Variants in SRP54 observed in about 807,000 individuals in gnomAD.
The protein encoded by SRP54 is signal recognition particle 54, also known as signal recognition particle subunit SRP54.
SRP54 carries 10 observed loss-of-function variants against 64.8 expected under a neutral mutation model. That is an observed-to-expected ratio of 0.15 (90% CI 0.10 to 0.26). SRP54 has a LOEUF of 0.26. SRP54 is among the 10% of genes least tolerant of loss of function. The pLI is 1.00. For synonymous variants in SRP54, 193 were observed against 185.6 expected, an observed-to-expected ratio of 1.04 and a Z score of -0.32; for missense variants, 325 against 613.7, an observed-to-expected ratio of 0.53 and a Z score of 4.97.
At chr14:34,987,951 C>T (rs753889894) in intron 1 of SRP54, among the ~76,000 whole-genome samples, 7 of 152,066 alleles carry the variant, frequency 4.6e-5, no homozygotes, top group African/African-American at 4.8e-5. Context: ...TTTTTGCTCC[C>T]CTCTTTACTC....
chr14:35,008,045 C>T (rs868201229), intron 5 of SRP54, among the ~76,000 whole-genome samples: 5 of 151,928 alleles, frequency 3.3e-5, no homozygotes, highest in Non-Finnish European at 7.4e-5. Context: ...TTACTTTATC[C>T]TCTATGGCTC....
intron 1 of SRP54, among the ~76,000 whole-genome samples, chr14:34,988,594 T>TATATATCATATATATATATATATATATAA (rs1420297304): frequency 8.4e-6 from 1 of 119,364 alleles, no homozygotes; most frequent in Admixed American, 9.2e-5. Context: ...TATATATATA[T>TATATATCATATATATATATATATATATAA]AACATATATA....
At chr14:35,028,564 T>A (rs1163850989) in intron 15 of SRP54, among the ~76,000 whole-genome samples, 1 of 152,154 alleles carries the variant, frequency 6.6e-6, no homozygotes, top group African/African-American at 2.4e-5. Flanking sequence ...TCCCCTTCGG[T>A]AAAATCACAG....
At chr14:35,017,536 C>T (rs1009598076) in intron 11 of SRP54, among the ~76,000 whole-genome samples, 3 of 152,176 alleles carry the variant, frequency 2.0e-5, no homozygotes. Context: ...TAGTTGACTG[C>T]TATAACATTT....
At chr14:34,986,274 A>G (rs925028039) in intron 1 of SRP54, among the ~76,000 whole-genome samples, 4 of 152,224 alleles carry the variant, frequency 2.6e-5, no homozygotes, top group African/African-American at 9.6e-5. Context: ...AATTGAATAT[A>G]ATCTTTGGTG....
In SRP54 at chr14:35,013,383, T is replaced by C. The variant is rs757036271; in HGVS notation, c.674T>C (p.Ile225Thr). ...ATTGTTTATGTGATGGATGCCTCCATTGGGCAGGCTTGTGAAGCCCAGGCT... is the reference window on the plus strand; with the variant it reads ...ATTGTTTATGTGATGGATGCCTCCACTGGGCAGGCTTGTGAAGCCCAGGCT... ...DNIVYVMDAS[I>T]GQACEAQAKA... The change falls in exon 9 of 16, where the codon ATT (isoleucine) becomes ACT (threonine). Residue 225 changes from isoleucine (I) to threonine (T), a missense_variant. Ile to Thr is a moderately conservative substitution (Grantham distance 89, BLOSUM62 -1). Coordinates refer to ENST00000216774, the MANE Select transcript of SRP54 (RefSeq NM_003136.4). 6 of 1,613,946 alleles carry C rather than the reference T, an allele frequency of 3.7e-6. No homozygotes were observed. Among genetic ancestry groups the C allele is most frequent in the Admixed American group, 1.7e-5 (1 of 59,954 alleles).
intron 4 of SRP54, among the ~76,000 whole-genome samples, chr14:35,004,220 G>T (rs1391002944): frequency 2.0e-5 from 3 of 152,120 alleles, no homozygotes; most frequent in African/African-American, 7.2e-5. Flanking sequence ...ATTGCACCCA[G>T]CCTAGGCCAC....
rs1384552218 is a variant in SRP54, at chr14:34,988,578, A to AAAAAAATATAT, written c.-34+5364_-34+5365insAAAAATATATA. On this transcript the variant is annotated intron_variant, in intron 1 of 15. Coordinates refer to ENST00000216774, the MANE Select transcript of SRP54 (RefSeq NM_003136.4). Reference sequence around the variant, plus strand: ...TCCATCTCAAAAAAAAAAAAAAAAAAATATATATATATATATAACATATAT... The same window carrying AAAAAAATATAT: ...TCCATCTCAAAAAAAAAAAAAAAAAAAAAAAATATATATATATATATATATATAACATATAT... 3.8e-4 allele frequency among the ~76,000 whole-genome samples: 18 copies of AAAAAAATATAT among 47,104 alleles called. 2 individuals carry two copies. The highest frequency in any genetic ancestry group is 8.0e-4 in the African/African-American group (12 of 14,930). 30.9% of individuals were successfully genotyped at this position (47,104 alleles called of 152,430 possible).
chr14:35,010,554 C>T (rs1380417243), intron 7 of SRP54, among the ~76,000 whole-genome samples: 4 of 152,096 alleles, frequency 2.6e-5, no homozygotes, highest in African/African-American at 9.7e-5. Flanking sequence ...ATCATGAGGT[C>T]AGAAGTTTGA....
intron 4 of SRP54, among the ~76,000 whole-genome samples, chr14:35,005,916 T>C (rs1462873184): frequency 6.6e-6 from 1 of 152,152 alleles, no homozygotes; most frequent in Admixed American, 6.5e-5. Context: ...CTCGGCTCAC[T>C]GCAAGCTCCG....
Position 35,006,945 on chromosome 14 carries a change from CTT to C in SRP54, c.256-336_256-335del, listed in dbSNP as rs1594995683. On this transcript the variant is annotated intron_variant, in intron 4 of 15. Coordinates refer to ENST00000216774, the MANE Select transcript of SRP54 (RefSeq NM_003136.4). ...GTGGCTCACGCCTGAAATCCCAGCACTTTGAGGCTGAGACAGAAGGATTGCTT... is the reference window on the plus strand; with the variant it reads ...GTGGCTCACGCCTGAAATCCCAGCACTGAGGCTGAGACAGAAGGATTGCTT... Among the ~76,000 whole-genome samples the C allele has an allele frequency of 4.6e-5, 7 of 152,286 alleles. No homozygotes were observed. In the East Asian group the frequency reaches 1.3e-3, roughly 29 times the overall value.
rs184385025 is a variant in SRP54, at chr14:35,005,531, G to A, written c.256-1752G>A. Among the ~76,000 whole-genome samples, 458 of 152,162 alleles carry A rather than the reference G, an allele frequency of 3.0e-3. 3 individuals carry two copies. The highest frequency in any genetic ancestry group is 0.011 in the African/African-American group (443 of 41,504). ...ACTGCCTCAGCCTCCTTGATTAGCT[G>A]GGACCACAGGTGCGTGCCACCACAC... On this transcript the variant is annotated intron_variant, in intron 4 of 15. Transcript: ENST00000216774.
rs148997641 is a variant in SRP54, at chr14:35,025,678, T to C, written c.1328-2410T>C. ...CTGATAAACAAACTCTTAGGACAAA[T>C]CACTAATGAGCATGGAATTCCCATC... On this transcript the variant is annotated intron_variant, in intron 14 of 15. Transcript: ENST00000216774. Among the ~76,000 whole-genome samples, 85 of 152,326 alleles carry C rather than the reference T, an allele frequency of 5.6e-4. No individual in the cohort carries two copies. The East Asian group carries it at 0.015, about 27-fold the overall frequency.
chr14:35,022,817 T>C (rs983029275), intron 13 of SRP54, 93 bp from the exon 14 acceptor site: 12 of 1,010,202 alleles, frequency 1.2e-5, no homozygotes, highest in African/African-American at 1.7e-5. Context: ...AAACATCTGC[T>C]AAGCTCTTTG....
chr14:35,004,056 CCAA>C (rs1291328389), intron 4 of SRP54, among the ~76,000 whole-genome samples: 3 of 151,494 alleles, frequency 2.0e-5, no homozygotes, highest in Admixed American at 6.6e-5. Context: ...ACCAGCCTGA[CCAA>C]CATGGTGAAA....
chr14:35,016,137 A>G (rs1233777786), intron 11 of SRP54, among the ~76,000 whole-genome samples: 1 of 152,132 alleles, frequency 6.6e-6, no homozygotes, highest in Admixed American at 6.6e-5. Flanking sequence ...CCCTTCAACT[A>G]TGCTAGTTCA....
chr14:34,991,284 C>T (rs549364918), intron 1 of SRP54, among the ~76,000 whole-genome samples: 16 of 151,666 alleles, frequency 1.1e-4, no homozygotes, highest in Admixed American at 6.6e-4. Flanking sequence ...CATCTGCCAC[C>T]GCGCCTGGCT....
intron 4 of SRP54, among the ~76,000 whole-genome samples, chr14:35,006,430 A>T (rs2044259221): frequency 6.6e-6 from 1 of 152,228 alleles, no homozygotes; most frequent in Non-Finnish European, 1.5e-5. Context: ...GGCTAGTCCA[A>T]ACTGAGATGT....
intron 14 of SRP54, among the ~76,000 whole-genome samples, chr14:35,027,236 G>C (rs1339068416): frequency 6.6e-6 from 1 of 151,852 alleles, no homozygotes. Context: ...CACCACGTTG[G>C]CTAGGCTGGT....
Sources: allele counts gnomAD v4.1 joint callset (sites outside exome capture counted in the v4.1 genomes callset), GRCh38; gene constraint gnomAD v4.1.1; transcripts MANE v1.5; gene names NCBI Gene and HGNC (gene_info 2026-07-23, HGNC 2026-07-21).